SLC5A5: variants seen among roughly 807,000 people sequenced by gnomAD.
SLC5A5 encodes sodium/iodide cotransporter.
A neutral mutation model predicts 68.6 loss-of-function variants in SLC5A5; 56 were observed. The ratio of observed to expected loss-of-function variants is 0.82; its 90% CI spans 0.66 to 1.02. The LOEUF is 1.02. Ranked by LOEUF, SLC5A5 falls within the 50% of genes least tolerant of loss-of-function variation. SLC5A5 has a pLI of 0.00. For missense variants in SLC5A5, 807 were observed against 859.8 expected, an observed-to-expected ratio of 0.94 and a Z score of 0.77; for synonymous variants, 398 against 373.0, an observed-to-expected ratio of 1.07 and a Z score of -0.77.
chr19:17,882,041 C>G lies in SLC5A5; in HGVS notation c.1140C>G (p.Pro380=). Residue 380 remains proline (P), a synonymous_variant, in exon 9 of 15, where the codon CCC becomes CCG. Coordinates refer to ENST00000222248, the MANE Select transcript of SLC5A5 (RefSeq NM_000453.3). ...AACCTCGGCTGCGGAGCCTGGCACC[C>G]AGGAAACTCGTGATTATCTCCAAGG... The part of the protein sequence containing the change: ...LIKPRLRSLA[P]RKLVIISKGL... 6.2e-7 allele frequency: 1 copy of G among 1,614,146 alleles called. No homozygotes were observed. Among genetic ancestry groups the G allele is most frequent in the Non-Finnish European group, 8.5e-7 (1 of 1,179,980 alleles).
Position 17,872,336 on chromosome 19 carries a change from C to T in SLC5A5, c.17C>T (p.Thr6Ile), listed in dbSNP as rs2094296184. 4 of 1,582,172 alleles carry T rather than the reference C, an allele frequency of 2.5e-6. No individual in the cohort carries two copies. In the South Asian group the frequency reaches 3.4e-5, roughly 14 times the overall value. Residue 6 changes from threonine (T) to isoleucine (I), a missense_variant, in exon 1 of 15, where the codon ACC (threonine) becomes ATC (isoleucine). Coordinates refer to ENST00000222248, the MANE Select transcript of SLC5A5 (RefSeq NM_000453.3). Reference sequence around the variant, plus strand: ...CCCGCCCTCATGGAGGCCGTGGAGACCGGGGAACGGCCCACCTTCGGAGCC... The same window carrying T: ...CCCGCCCTCATGGAGGCCGTGGAGATCGGGGAACGGCCCACCTTCGGAGCC... MEAVE[T>I]GERPTFGAWD... is the part of the protein sequence containing the mutation.
At chr19:17,873,031 G>A (rs1380428749) in intron 1 of SLC5A5, among the ~76,000 whole-genome samples, 1 of 152,222 alleles carries the variant, frequency 6.6e-6, no homozygotes, top group Non-Finnish European at 1.5e-5. Flanking sequence ...GACTGCTGAC[G>A]GCTCCGGGGT....
chr19:17,883,988 G>C lies in SLC5A5; in HGVS notation c.1468G>C (p.Ala490Pro), dbSNP rs753008896. Residue 490 changes from alanine to proline, a missense_variant, in exon 12 of 15, where the codon GCC becomes CCC. Ala to Pro is a conservative substitution (Grantham distance 27). Coordinates refer to ENST00000222248, the MANE Select transcript of SLC5A5 (RefSeq NM_000453.3). ...CCGCTGCGTGGCTCTCTCAGTCAACGCCTCTGGCCTCCTGGACCCGGCTCT... is the reference window on the plus strand; with the variant it reads ...CCGCTGCGTGGCTCTCTCAGTCAACCCCTCTGGCCTCCTGGACCCGGCTCT... ...AARCVALSVNASGLLDPALLP... is the reference protein window; with the variant it reads ...AARCVALSVNPSGLLDPALLP... 6.4e-7 allele frequency: 1 copy of C among 1,570,522 alleles called. No homozygotes were observed. The highest frequency in any genetic ancestry group is 1.3e-5 in the African/African-American group (1 of 74,268).
chr19:17,876,403 G>A (rs1009744609), intron 5 of SLC5A5, among the ~76,000 whole-genome samples: 5 of 145,296 alleles, frequency 3.4e-5, no homozygotes, highest in Middle Eastern at 3.7e-3. Flanking sequence ...CTCCAGCCTG[G>A]ATGACAGAGC....
At chr19:17,875,827 A>T (rs2094305566) in intron 4 of SLC5A5, 125 bp from the exon 5 acceptor site, 1 of 794,286 alleles carries the variant, frequency 1.3e-6, no homozygotes, top group Non-Finnish European at 2.2e-6. Context: ...GTAAGAAGGT[A>T]TTATTATTAA....
At chr19:17,878,427 C>T (rs889191082) in intron 7 of SLC5A5, among the ~76,000 whole-genome samples, 3 of 151,976 alleles carry the variant, frequency 2.0e-5, no homozygotes, top group Admixed American at 1.3e-4. Context: ...ATCTCTTGAA[C>T]CCGGGAGGCG....
At chr19:17,873,987 T>C (rs2094300448) in intron 1 of SLC5A5, 151 bp from the exon 2 acceptor site, 1 of 698,778 alleles carries the variant, frequency 1.4e-6, no homozygotes, top group Non-Finnish European at 2.7e-6. Context: ...TGCACGGGTG[T>C]GTGCGTGCGG....
intron 1 of SLC5A5, among the ~76,000 whole-genome samples, chr19:17,873,243 C>T (rs1310474824): frequency 6.6e-6 from 1 of 150,480 alleles, no homozygotes; most frequent in Non-Finnish European, 1.5e-5. Flanking sequence ...TGCAGATCAC[C>T]TGAGGTCAGG....
At chr19:17,885,771 G>C (rs913848798) in intron 12 of SLC5A5, among the ~76,000 whole-genome samples, 1 of 152,040 alleles carries the variant, frequency 6.6e-6, no homozygotes, top group Non-Finnish European at 1.5e-5. Context: ...TGGCAAGCAC[G>C]AATCCACTTT....
intron 1 of SLC5A5, 56 bp from the exon 2 acceptor site, chr19:17,874,082 G>A: frequency 1.6e-6 from 2 of 1,257,792 alleles, no homozygotes; most frequent in Non-Finnish European, 2.3e-6. Flanking sequence ...AGGGACCCGA[G>A]AGGCCTCGGC....
chr19:17,878,237 G>A (rs893645371), intron 7 of SLC5A5, 144 bp downstream of exon 7: 13 of 987,538 alleles, frequency 1.3e-5, no homozygotes, highest in African/African-American at 3.2e-5. Flanking sequence ...CAGGTGCGGC[G>A]GCTCATGCCT....
intron 10 of SLC5A5, among the ~76,000 whole-genome samples, chr19:17,883,213 C>G (rs1032430568): frequency 6.6e-6 from 1 of 151,956 alleles, no homozygotes; most frequent in African/African-American, 2.4e-5. Flanking sequence ...CCCGCCTCAG[C>G]CTTCCAAGTC....
intron 14 of SLC5A5, among the ~76,000 whole-genome samples, chr19:17,891,594 C>T (rs2030173879): frequency 6.6e-6 from 1 of 152,166 alleles, no homozygotes; most frequent in African/African-American, 2.4e-5. Context: ...TTTACAGTGA[C>T]TTCCAATCTT....
intron 1 of SLC5A5, 147 bp from the exon 2 acceptor site, chr19:17,873,991 C>A: frequency 1.4e-6 from 1 of 700,052 alleles, no homozygotes; most frequent in Non-Finnish European, 2.7e-6. Flanking sequence ...CGGGTGTGTG[C>A]GTGCGGCGGG....
chr19:17,880,217 C>CTTT (rs55961004), intron 7 of SLC5A5, among the ~76,000 whole-genome samples: 1 of 139,114 alleles, frequency 7.2e-6, no homozygotes. Flanking sequence ...TCTTTTCTTT[C>CTTT]TTTTTTTTTT....
At chr19:17,878,126 C>T in intron 7 of SLC5A5, 33 bp downstream of exon 7, 2 of 1,604,496 alleles carry the variant, frequency 1.2e-6, no homozygotes, top group African/African-American at 2.7e-5. Context: ...GTTGGCTCTG[C>T]ACTCCCTCAC....
At chr19:17,892,689 A>AGAGAGAGAGAGAGAGC (rs2030229128) in intron 14 of SLC5A5, among the ~76,000 whole-genome samples, 1 of 149,786 alleles carries the variant, frequency 6.7e-6, no homozygotes, top group Non-Finnish European at 1.5e-5. Flanking sequence ...AGAGAGAGAG[A>AGAGAGAGAGAGAGAGC]GAGAGAGAGC....
Position 17,890,872 on chromosome 19 carries a change from TC to T in SLC5A5, c.1652-10del. On this transcript the variant is annotated splice_polypyrimidine_tract_variant and intron_variant, in intron 13 of 14. Coordinates refer to ENST00000222248, the MANE Select transcript of SLC5A5 (RefSeq NM_000453.3). Reference sequence around the variant, plus strand: ...CTGAATGCCTGGATTTCTCCATTTCTCCCCGCCTCTCAGGCCCCACCAAGCG... The same window carrying T: ...CTGAATGCCTGGATTTCTCCATTTCTCCCGCCTCTCAGGCCCCACCAAGCG... 6.3e-7 allele frequency: 1 copy of T among 1,588,582 alleles called. No homozygotes were observed. The highest frequency in any genetic ancestry group is 8.6e-7 in the Non-Finnish European group (1 of 1,157,622).
chr19:17,874,344 ACAC>A, intron 2 of SLC5A5, 141 bp downstream of exon 2: 1 of 461,150 alleles, frequency 2.2e-6, no homozygotes, highest in East Asian at 9.4e-5. Flanking sequence ...GTCCCCTCCC[ACAC>A]CACAGCCGGC....
Sources: gnomAD v4.1 joint callset for allele counts (sites outside exome capture counted in the v4.1 genomes callset) on GRCh38, gnomAD v4.1.1 for gene constraint, MANE v1.5 for transcripts, NCBI Gene and HGNC (gene_info 2026-07-23, HGNC 2026-07-21) for gene names.